CACHD1: variants seen among roughly 807,000 people sequenced by gnomAD.
CACHD1 encodes cache domain containing 1.
A neutral mutation model predicts 138.7 loss-of-function variants in CACHD1; 71 were observed. That is an observed-to-expected ratio of 0.51 (90% CI 0.42 to 0.62). The LOEUF is 0.62. CACHD1 is among the 20% of genes least tolerant of loss of function. CACHD1 has a pLI of 0.00. For missense variants in CACHD1, 1,389 were observed against 1,625.3 expected, an observed-to-expected ratio of 0.85 and a Z score of 2.50; for synonymous variants, 578 against 591.5, an observed-to-expected ratio of 0.98 and a Z score of 0.33.
intron 1 of CACHD1, among the ~76,000 whole-genome samples, chr1:64,534,000 G>T (rs1646611025): frequency 6.6e-6 from 1 of 150,476 alleles, no homozygotes; most frequent in Non-Finnish European, 1.5e-5. Context: ...TTATCCACCT[G>T]CCTTGGCCTC....
chr1:64,594,253 TAAAA>T (rs5774710), intron 3 of CACHD1, among the ~76,000 whole-genome samples: 1 of 138,008 alleles, frequency 7.2e-6, no homozygotes. Flanking sequence ...AAACTTTGTC[TAAAA>T]AAAAAAAAAA....
rs918426536 is a variant in CACHD1 at position 64,652,394 on chromosome 1, G to T, written c.1540+84G>T. On this transcript the variant is annotated intron_variant, in intron 10 of 26. Coordinates refer to ENST00000651257, the MANE Select transcript of CACHD1 (RefSeq NM_020925.4). ...TATAGATATTCTACAAACAAAATAGGAAAATGATAGTGTAAAGAAGAGCAT... is the reference window on the plus strand; with the variant it reads ...TATAGATATTCTACAAACAAAATAGTAAAATGATAGTGTAAAGAAGAGCAT... 2.9e-5 allele frequency: 36 copies of T among 1,230,222 alleles called. No homozygotes were observed. The African/African-American group carries it at 5.4e-4, about 19-fold the overall frequency. The allele number at this position is 1,230,222 out of a possible 1,614,324, so 76.2% of individuals were successfully genotyped here. A position where few individuals can be genotyped will look rare whatever the true frequency, so the allele number is the denominator to read the frequency against.
chr1:64,597,036 A>G (rs1298918937), intron 3 of CACHD1, among the ~76,000 whole-genome samples: 1 of 152,130 alleles, frequency 6.6e-6, no homozygotes, highest in African/African-American at 2.4e-5. Flanking sequence ...TCCCTAGGAA[A>G]TTTAAACAAA....
chr1:64,507,823 G>T (rs146799581), intron 1 of CACHD1, among the ~76,000 whole-genome samples: 1 of 152,300 alleles, frequency 6.6e-6, no homozygotes, highest in East Asian at 1.9e-4. Context: ...CCAGTATGTT[G>T]CCTGGGCAAA....
intron 1 of CACHD1, among the ~76,000 whole-genome samples, chr1:64,477,584 G>GATGATTATT (rs1553125568): frequency 7.3e-6 from 1 of 136,158 alleles, no homozygotes. Flanking sequence ...CTTCCCCCCA[G>GATGATTATT]ATTATTATTA....
intron 2 of CACHD1, among the ~76,000 whole-genome samples, chr1:64,579,362 C>A (rs963963242): frequency 2.6e-5 from 4 of 152,062 alleles, no homozygotes; most frequent in Admixed American, 2.0e-4. Context: ...AGAAGAAACC[C>A]TTGGGTATTT....
intron 4 of CACHD1, among the ~76,000 whole-genome samples, 185 bp downstream of exon 4, chr1:64,603,097 ATCTTTTT>A (rs1647243851): frequency 7.4e-6 from 1 of 134,844 alleles, no homozygotes. Flanking sequence ...TCAAGCTTAC[ATCTTTTT>A]TTTTTTTTTT....
intron 8 of CACHD1, among the ~76,000 whole-genome samples, chr1:64,644,428 G>A (rs1027999640): frequency 6.6e-6 from 1 of 152,192 alleles, no homozygotes; most frequent in African/African-American, 2.4e-5. Flanking sequence ...AGAGGAGTAA[G>A]GAGGCCCAAA....
chr1:64,669,060 T>C (rs568744141), intron 16 of CACHD1, among the ~76,000 whole-genome samples: 3 of 152,060 alleles, frequency 2.0e-5, no homozygotes, highest in South Asian at 2.1e-4. Flanking sequence ...TTAGAGCCTA[T>C]CTCAAATGAT....
chr1:64,663,804 C>T lies in CACHD1; in HGVS notation c.2061C>T (p.Asp687=). ...MVEHYTAYLS[D]NTRLIANPGL... The stretch of plus-strand genomic sequence containing the variant: ...AGCACTACACCGCCTATCTCAGCGA[C>T]AACACCCGCCTCATTGCTAACCCGG... The change falls in exon 14 of 27, where the codon GAC becomes GAT. Residue 687 remains aspartate (D), a synonymous_variant. Transcript: ENST00000651257. The T allele has an allele frequency of 1.2e-6, 2 of 1,614,132 alleles. No homozygotes were observed. Among genetic ancestry groups the T allele is most frequent in the Non-Finnish European group, 8.5e-7 (1 of 1,180,010 alleles).
intron 1 of CACHD1, among the ~76,000 whole-genome samples, chr1:64,485,960 T>C (rs1463220304): frequency 2.6e-5 from 4 of 152,202 alleles, no homozygotes; most frequent in African/African-American, 4.8e-5. Flanking sequence ...AAAGGGGCTA[T>C]ATTAGTTTGT....
At chr1:64,663,623 G>C in intron 13 of CACHD1, 72 bp from the exon 14 acceptor site, 1 of 1,573,176 alleles carries the variant, frequency 6.4e-7, no homozygotes, top group South Asian at 1.1e-5. Flanking sequence ...GGCAGAGCCC[G>C]AGTGATGCCT....
At chr1:64,520,037 G>A (rs1258059928) in intron 1 of CACHD1, among the ~76,000 whole-genome samples, 1 of 152,160 alleles carries the variant, frequency 6.6e-6, no homozygotes, top group African/African-American at 2.4e-5. Flanking sequence ...TAAAGTCCCA[G>A]CTGTCTTCTT....
rs374756415 is a variant in CACHD1, at chr1:64,470,945, A to G, written c.198+3A>G. 6.3e-7 allele frequency: 1 copy of G among 1,598,146 alleles called. No individual in the cohort carries two copies. The highest frequency in any genetic ancestry group is 1.3e-5 in the African/African-American group (1 of 74,548). Reference sequence around the variant, plus strand: ...AGCTGGGGGTCGTCACCATGCAGGTAAGTGGCCCCCGAGCTGGCCAGACAT... The same window carrying G: ...AGCTGGGGGTCGTCACCATGCAGGTGAGTGGCCCCCGAGCTGGCCAGACAT... On this transcript the variant is annotated splice_donor_region_variant and intron_variant, in intron 1 of 26. Transcript: ENST00000651257. The surrounding 1 kb of genome is among the most constrained non-coding windows in gnomAD (Gnocchi z 5.2).
intron 9 of CACHD1, among the ~76,000 whole-genome samples, chr1:64,648,364 G>A (rs1557538501): frequency 6.6e-6 from 1 of 152,142 alleles, no homozygotes; most frequent in African/African-American, 2.4e-5. Flanking sequence ...AAGGCAACGT[G>A]GCATCATCGC....
At chr1:64,519,695 T>TGATGTTTTAGTTAGTCTTAAGACGAGCAC (rs1646483902) in intron 1 of CACHD1, among the ~76,000 whole-genome samples, 1 of 150,306 alleles carries the variant, frequency 6.7e-6, no homozygotes, top group Non-Finnish European at 1.5e-5. Context: ...CCAAAAAACT[T>TGATGTTTTAGTTAGTCTTAAGACGAGCAC]GATGTTTTAG....
At position 64,492,024 on chromosome 1, in the gene CACHD1, G is replaced by C. The variant is rs1646279584; in HGVS notation, c.198+21082G>C. 2.0e-5 allele frequency among the ~76,000 whole-genome samples: 3 copies of C among 151,194 alleles called. No individual in the cohort carries two copies. The South Asian group carries it at 6.3e-4, about 32-fold the overall frequency. On this transcript the variant is annotated intron_variant, in intron 1 of 26. Transcript: ENST00000651257. ...AATCATATACTGTACTTGATTTCCT[G>C]AAAGTACCTTTCACTAGTTTTTTTT...
intron 1 of CACHD1, among the ~76,000 whole-genome samples, chr1:64,546,770 C>T (rs906477274): frequency 1.3e-5 from 2 of 152,120 alleles, no homozygotes; most frequent in African/African-American, 4.8e-5. Flanking sequence ...CTGGCTCTTG[C>T]ATTAAAATCA....
chr1:64,646,896 A>C (rs994369498), intron 8 of CACHD1, among the ~76,000 whole-genome samples: 1 of 152,200 alleles, frequency 6.6e-6, no homozygotes, highest in Non-Finnish European at 1.5e-5. Context: ...TAATGATTGA[A>C]TAGTTCATGG....
Sources: allele counts gnomAD v4.1 joint callset (sites outside exome capture counted in the v4.1 genomes callset), GRCh38; gene constraint gnomAD v4.1.1; non-coding constraint Gnocchi (gnomAD v3.1); transcripts MANE v1.5; gene names NCBI Gene and HGNC (gene_info 2026-07-23, HGNC 2026-07-21).